Variants in SLC66A2 observed in about 807,000 individuals in gnomAD.
SLC66A2 encodes solute carrier family 66 member 2.
A neutral mutation model predicts 25.5 loss-of-function variants in SLC66A2; 23 were observed. That is an observed-to-expected ratio of 0.90 (90% CI 0.65 to 1.28). The LOEUF is 1.28. SLC66A2 is among the 50% of genes most tolerant of loss of function. The pLI is 0.00. For missense variants in SLC66A2, 396 were observed against 373.1 expected (o/e 1.06, Z -0.51); for synonymous variants, 193 against 166.5 (o/e 1.16, Z -1.23).
Position 79,940,909 on chromosome 18 carries a change from T to C in SLC66A2, c.337+2420A>G, listed in dbSNP as rs1463614247. On this transcript the variant is annotated intron_variant, in intron 3 of 5. Coordinates refer to ENST00000397778, the MANE Select transcript of SLC66A2 (RefSeq NM_025078.5). This position sits in a 1 kb window ranked among gnomAD's most constrained non-coding sequence, Gnocchi z 4.1. ...GAGGTCATTTGGGGCCCAGGAGTCA[T>C]GCAGCTTGGTTCTCAGTCCTCCCCG... Among the ~76,000 whole-genome samples, 1 of 152,092 alleles carries C rather than the reference T, an allele frequency of 6.6e-6. No individual in the cohort carries two copies. The highest frequency in any genetic ancestry group is 1.5e-5 in the Non-Finnish European group (1 of 68,008).
In SLC66A2 at chr18:79,940,329, GCA is replaced by G. The variant is rs1258632732; in HGVS notation, c.337+2998_337+2999del. 6.6e-6 allele frequency among the ~76,000 whole-genome samples: 1 copy of G among 152,096 alleles called. No individual in the cohort carries two copies. The highest frequency in any genetic ancestry group is 1.5e-5 in the Non-Finnish European group (1 of 68,000). ...GAAATAATCTGCACACTGGCCGGGC[GCA>G]GTGGGTCACGCCCGTAATGCCAGCA... On this transcript the variant is annotated intron_variant, in intron 3 of 5. Coordinates refer to ENST00000397778, the MANE Select transcript of SLC66A2 (RefSeq NM_025078.5). This position sits in a 1 kb window ranked among gnomAD's most constrained non-coding sequence, Gnocchi z 4.1.
intron 5 of SLC66A2, among the ~76,000 whole-genome samples, chr18:79,905,398 G>T (rs562702602): frequency 1.3e-4 from 20 of 152,372 alleles, no homozygotes; most frequent in South Asian, 6.2e-4. Context: ...AGCACCGGGG[G>T]AAGGTGGTGC....
chr18:79,951,030 G>A lies in SLC66A2; in HGVS notation c.-99-5C>T, dbSNP rs2051104004. Reference sequence around the variant, plus strand: ...GCGCTCCTGCGGCCTCGGGGCCTGCGGGGAGCGGGGAGCTGCTCGAGTTCC... The same window carrying A: ...GCGCTCCTGCGGCCTCGGGGCCTGCAGGGAGCGGGGAGCTGCTCGAGTTCC... On this transcript the variant is annotated splice_region_variant and splice_polypyrimidine_tract_variant and intron_variant, in intron 1 of 5. Transcript: ENST00000397778. The A allele has an allele frequency of 6.3e-6, 5 of 799,844 alleles. No individual in the cohort carries two copies. Among genetic ancestry groups the A allele is most frequent in the South Asian group, 6.6e-5 (2 of 30,244 alleles). The allele number at this position is 799,844 out of a possible 1,614,324, so 49.5% of individuals were successfully genotyped here. A position where few individuals can be genotyped will look rare whatever the true frequency, so the allele number is the denominator to read the frequency against.
Position 79,927,071 on chromosome 18 carries a change from C to T in SLC66A2, c.391+6898G>A, listed in dbSNP as rs1986040758. Among the ~76,000 whole-genome samples the T allele has an allele frequency of 6.6e-6, 1 of 152,248 alleles. No individual in the cohort carries two copies. The highest frequency in any genetic ancestry group is 1.5e-5 in the Non-Finnish European group (1 of 68,052). ...TCTCACTTCCTTCAAATCCCTGGTCCAGGCTCACCTGACCTCCTGCAAGCT... is the reference window on the plus strand; with the variant it reads ...TCTCACTTCCTTCAAATCCCTGGTCTAGGCTCACCTGACCTCCTGCAAGCT... On this transcript the variant is annotated intron_variant, in intron 4 of 5. Coordinates refer to ENST00000397778, the MANE Select transcript of SLC66A2 (RefSeq NM_025078.5). This position sits in a 1 kb window ranked among gnomAD's most constrained non-coding sequence, Gnocchi z 6.2.
intron 2 of SLC66A2, chr18:79,947,424 A>T (rs1488783894): frequency 6.8e-6 from 1 of 146,464 alleles, no homozygotes; most frequent in Non-Finnish European, 1.5e-5. Flanking sequence ...AGGACTGCAG[A>T]GCCCCATATG....
At position 79,951,599 on chromosome 18, in the gene SLC66A2, G is replaced by C. The variant is rs1457668593; in HGVS notation, c.-118C>G. The C allele has an allele frequency of 1.3e-5, 2 of 151,298 alleles. No individual in the cohort carries two copies. Among genetic ancestry groups the C allele is most frequent in the African/African-American group, 2.4e-5 (1 of 41,254 alleles). 9.4% of individuals were successfully genotyped at this position (151,298 alleles called of 1,614,324 possible). A position where few individuals can be genotyped will look rare whatever the true frequency, so the allele number is the denominator to read the frequency against. ...TCCTTACCTGCGCCCCCAGCCCCGC[G>C]CCCAGCGCCCCGCGTCCCCGCGCCG... On this transcript the variant is annotated 5_prime_UTR_variant, in exon 1 of 6. Coordinates refer to ENST00000397778, the MANE Select transcript of SLC66A2 (RefSeq NM_025078.5).
chr18:79,910,708 G>A (rs1390281027), intron 5 of SLC66A2, among the ~76,000 whole-genome samples: 5 of 152,348 alleles, frequency 3.3e-5, no homozygotes, highest in East Asian at 1.9e-4. Context: ...GTGGCACCCC[G>A]GAGAATCTGC....
At position 79,908,080 on chromosome 18, in the gene SLC66A2, ATT is replaced by A. The variant is rs144054081; in HGVS notation, c.609-3899_609-3898del. The stretch of plus-strand genomic sequence containing the variant: ...TAAAAACCCCACCAGACAATGTTAT[ATT>A]TTTTGCTAACTTTCACACATATTTT... On this transcript the variant is annotated intron_variant, in intron 5 of 5. Transcript: ENST00000397778. Among the ~76,000 whole-genome samples, 927 of 152,224 alleles carry A rather than the reference ATT, an allele frequency of 6.1e-3. 14 individuals carry two copies. The highest frequency in any genetic ancestry group is 0.021 in the African/African-American group (883 of 41,532).
At position 79,919,334 on chromosome 18, in the gene SLC66A2, A is replaced by C. The variant is rs780710194; in HGVS notation, c.458T>G (p.Phe153Cys). The C allele has an allele frequency of 6.2e-7, 1 of 1,613,322 alleles. No homozygotes were observed. The highest frequency in any genetic ancestry group is 8.5e-7 in the Non-Finnish European group (1 of 1,180,030). Residue 153 changes from phenylalanine (F) to cysteine (C), a missense_variant, in exon 5 of 6, where the codon TTC (phenylalanine) becomes TGC (cysteine). By Grantham distance (205) the Phe-to-Cys change is radical (BLOSUM62 -2). Transcript: ENST00000397778. ...FSDYVQCVLA[F>C]TGVAGYITYL... ...GGTGATGTAGCCCGCCACGCCCGTG[A>C]AGGCCAGGACGCACTGCACGTAGTC... is the stretch of plus-strand genomic sequence containing the variant.
At chr18:79,930,712 GAGAA>G (rs1419347656) in intron 4 of SLC66A2, among the ~76,000 whole-genome samples, 1 of 152,144 alleles carries the variant, frequency 6.6e-6, no homozygotes, top group Non-Finnish European at 1.5e-5. Flanking sequence ...AACTGTATTA[GAGAA>G]AGAAAATGAC....
At chr18:79,905,922 G>C (rs1016153013) in intron 5 of SLC66A2, among the ~76,000 whole-genome samples, 1 of 152,206 alleles carries the variant, frequency 6.6e-6, no homozygotes, top group Non-Finnish European at 1.5e-5. Flanking sequence ...TGGAAAAAGA[G>C]CCTTTTCAGA....
chr18:79,905,187 C>T (rs1981910750), intron 5 of SLC66A2, among the ~76,000 whole-genome samples: 1 of 152,248 alleles, frequency 6.6e-6, no homozygotes, highest in Non-Finnish European at 1.5e-5. Context: ...CCGGCTTTAT[C>T]ATTACACCCA....
chr18:79,949,215 A>T (rs1215356623), intron 2 of SLC66A2, among the ~76,000 whole-genome samples: 1 of 152,164 alleles, frequency 6.6e-6, no homozygotes, highest in East Asian at 1.9e-4. Flanking sequence ...CACATGGACC[A>T]ATGGCTGCCC....
rs1568296501 is a variant in SLC66A2 at position 79,912,110 on chromosome 18, G to GAGCAGGGA, written c.608+7073_608+7074insTCCCTGCT. Among the ~76,000 whole-genome samples the GAGCAGGGA allele has an allele frequency of 3.4e-4, 5 of 14,664 alleles. No individual in the cohort carries two copies. The East Asian group carries it at 0.015, about 43-fold the overall frequency. 9.6% of individuals were successfully genotyped at this position (14,664 alleles called of 152,430 possible). A position where few individuals can be genotyped will look rare whatever the true frequency, so the allele number is the denominator to read the frequency against. On this transcript the variant is annotated intron_variant, in intron 5 of 5. Coordinates refer to ENST00000397778, the MANE Select transcript of SLC66A2 (RefSeq NM_025078.5). ...AAGAGCAGGAAGGGGACAGGAGTGG[G>GAGCAGGGA]GGGGACGGGAGCAGGGAGGGAGTGG...
rs1981844667 is a variant in SLC66A2 at position 79,904,889 on chromosome 18, AG to A, written c.609-707del. Reference sequence around the variant, plus strand: ...AATCAGCGGCCGCTGACCCTTCCACAGCTCCTGAAGCCAGAGGCAGAGCCTG... The same window carrying A: ...AATCAGCGGCCGCTGACCCTTCCACACTCCTGAAGCCAGAGGCAGAGCCTG... On this transcript the variant is annotated intron_variant, in intron 5 of 5. Transcript: ENST00000397778. This position sits in a 1 kb window ranked among gnomAD's most constrained non-coding sequence, Gnocchi z 6.3. 6.6e-6 allele frequency among the ~76,000 whole-genome samples: 1 copy of A among 152,198 alleles called. No homozygotes were observed. The highest frequency in any genetic ancestry group is 2.1e-4 in the South Asian group (1 of 4,834).
chr18:79,905,817 C>T (rs1982041204), intron 5 of SLC66A2, among the ~76,000 whole-genome samples: 2 of 152,228 alleles, frequency 1.3e-5, no homozygotes, highest in South Asian at 4.1e-4. Flanking sequence ...CATGCAGCAT[C>T]AGCTCACACT....
chr18:79,908,542 CTA>C (rs759448991), intron 5 of SLC66A2, among the ~76,000 whole-genome samples: 1 of 152,142 alleles, frequency 6.6e-6, no homozygotes, highest in Non-Finnish European at 1.5e-5. Context: ...CTTCTTACAT[CTA>C]TGTTTGTCTT....
chr18:79,938,412 C>G (rs928601012), intron 3 of SLC66A2, among the ~76,000 whole-genome samples: 1 of 152,204 alleles, frequency 6.6e-6, no homozygotes, highest in Admixed American at 6.5e-5. Flanking sequence ...GATGCCAGCC[C>G]TGCCTTCCTC....
rs1434038346 is a variant in SLC66A2 at position 79,937,022 on chromosome 18, C to T, written c.338-3000G>A. 5.3e-5 allele frequency among the ~76,000 whole-genome samples: 8 copies of T among 152,112 alleles called. No homozygotes were observed. Among genetic ancestry groups the T allele is most frequent in the South Asian group, 4.1e-4 (2 of 4,824 alleles). ...GAAGGGAGGCAGAGCTCAGGCTAAG[C>T]GACACAGCCAGGCCTGGAGGTTTGA... On this transcript the variant is annotated intron_variant, in intron 3 of 5. Coordinates refer to ENST00000397778, the MANE Select transcript of SLC66A2 (RefSeq NM_025078.5). This position sits in a 1 kb window ranked among gnomAD's most constrained non-coding sequence, Gnocchi z 5.4.
Sources: gnomAD v4.1 joint callset for allele counts (sites outside exome capture counted in the v4.1 genomes callset) on GRCh38, gnomAD v4.1.1 for gene constraint, Gnocchi (gnomAD v3.1) non-coding constraint, MANE v1.5 for transcripts, NCBI Gene and HGNC (gene_info 2026-07-23, HGNC 2026-07-21) for gene names.